Variants in ZBTB46 observed in about 807,000 individuals in gnomAD.
ZBTB46 encodes the protein zinc finger and BTB domain-containing protein 46.
In ZBTB46, 8 loss-of-function variants were observed where a neutral mutation model predicts 44.1. The observed-to-expected ratio is 0.18, with a 90% confidence interval of 0.11 to 0.33. The LOEUF (loss-of-function observed/expected upper bound fraction) is 0.33. Ranked by LOEUF, ZBTB46 falls within the 10% of genes least tolerant of loss-of-function variation. The pLI is 1.00. For synonymous variants in ZBTB46, 409 were observed against 382.3 expected, an observed-to-expected ratio of 1.07 and a Z score of -0.81; for missense variants, 651 against 847.7, an observed-to-expected ratio of 0.77 and a Z score of 2.88.
chr20:63,830,345 GA>G (rs891905968), intron 1 of ZBTB46, among the ~76,000 whole-genome samples: 1 of 151,992 alleles, frequency 6.6e-6, no homozygotes, highest in East Asian at 1.9e-4. Flanking sequence ...TATTTACAGA[GA>G]AACAAAGACG....
In ZBTB46 at chr20:63,774,698, G is replaced by GT. The variant is rs56678555; in HGVS notation, c.1222+979dup. On this transcript the variant is annotated intron_variant, in intron 3 of 4. Transcript: ENST00000245663. The stretch of plus-strand genomic sequence containing the variant: ...GGGCTGGCTGCGGTGGGTTTTTTTT[G>GT]TTTTTTTTTTTGTTTTTTTTTTTGA... Among the ~76,000 whole-genome samples the GT allele has an allele frequency of 1.3e-3, 91 of 71,750 alleles. 1 individual carries two copies. The East Asian group carries it at 0.048, about 38-fold the overall frequency. 47.1% of individuals were successfully genotyped at this position (71,750 alleles called of 152,430 possible).
At chr20:63,826,702 G>C (rs866239468) in intron 1 of ZBTB46, among the ~76,000 whole-genome samples, 1 of 152,224 alleles carries the variant, frequency 6.6e-6, no homozygotes, top group Admixed American at 6.5e-5. Context: ...TCCAGCCTGC[G>C]CGACAGAGCG....
intron 3 of ZBTB46, among the ~76,000 whole-genome samples, chr20:63,757,984 C>T (rs1263981318): frequency 6.7e-6 from 1 of 148,796 alleles, no homozygotes; most frequent in African/African-American, 2.5e-5. Flanking sequence ...CCTCCACCCG[C>T]CCATCCAAAG....
intron 3 of ZBTB46, among the ~76,000 whole-genome samples, chr20:63,766,745 T>A (rs1023212982): frequency 6.6e-6 from 1 of 152,106 alleles, no homozygotes; most frequent in Non-Finnish European, 1.5e-5. Flanking sequence ...GAAACTCATC[T>A]CAGGAACATA....
rs1436228245 is a variant in ZBTB46, at chr20:63,765,166, G to A, written c.1222+10512C>T. Among the ~76,000 whole-genome samples, 6 of 151,944 alleles carry A rather than the reference G, an allele frequency of 3.9e-5. No individual in the cohort carries two copies. In the East Asian group the frequency reaches 1.2e-3, roughly 29 times the overall value. On this transcript the variant is annotated intron_variant, in intron 3 of 4. Coordinates refer to ENST00000245663, the MANE Select transcript of ZBTB46 (RefSeq NM_001369741.1). ...TAGAGGCTTGGGGTGGGGGGCAGTTGTATGCAGAAGCTGGGGTCCTCCTCT... is the reference window on the plus strand; with the variant it reads ...TAGAGGCTTGGGGTGGGGGGCAGTTATATGCAGAAGCTGGGGTCCTCCTCT...
intron 3 of ZBTB46, among the ~76,000 whole-genome samples, chr20:63,769,812 G>A (rs746613228): frequency 4.6e-5 from 7 of 152,162 alleles, no homozygotes; most frequent in South Asian, 2.1e-4. Context: ...TAAAGTTCTC[G>A]ATTCATCCTT....
intron 3 of ZBTB46, among the ~76,000 whole-genome samples, chr20:63,753,537 G>A (rs1019183574): frequency 2.0e-5 from 3 of 152,210 alleles, no homozygotes; most frequent in Non-Finnish European, 2.9e-5. Context: ...GCCCAGTGCC[G>A]TTATGCTACT....
In ZBTB46 at chr20:63,767,154, G is replaced by A. The variant is rs2145825889; in HGVS notation, c.1222+8524C>T. Among the ~76,000 whole-genome samples, 1 of 152,340 alleles carries A rather than the reference G, an allele frequency of 6.6e-6. No individual in the cohort carries two copies. The highest frequency in any genetic ancestry group is 3.4e-3 in the Middle Eastern group (1 of 294). On this transcript the variant is annotated intron_variant, in intron 3 of 4. Coordinates refer to ENST00000245663, the MANE Select transcript of ZBTB46 (RefSeq NM_001369741.1). The surrounding 1 kb of genome is among the most constrained non-coding windows in gnomAD (Gnocchi z 5.0). ...CCGACACGTGGAGCGCCGCGCACAT[G>A]CCAGGCACACACCGCCAAGGACGCC...
chr20:63,800,597 G>A (rs2092636172), intron 1 of ZBTB46, among the ~76,000 whole-genome samples: 4 of 152,244 alleles, frequency 2.6e-5, no homozygotes. Context: ...GCTGCGTGCG[G>A]CGCTTGCGGG....
intron 3 of ZBTB46, among the ~76,000 whole-genome samples, chr20:63,770,358 G>A (rs6089983): frequency 0.15 from 22,071 of 152,122 alleles, 2,052 homozygotes; most frequent in East Asian, 0.44. Context: ...GTAACAGAGA[G>A]GAGGCCCGCC....
intron 2 of ZBTB46, among the ~76,000 whole-genome samples, chr20:63,779,769 A>G (rs1480858065): frequency 6.6e-6 from 1 of 151,908 alleles, no homozygotes; most frequent in African/African-American, 2.4e-5. Context: ...CACATTGGTC[A>G]GGCTGGTCTC....
rs761933725 is a variant in ZBTB46, at chr20:63,789,829, C to T, written c.929G>A (p.Arg310Gln). Reference protein sequence around the residue: ...LPTSGWPFSSRDSNADLSVTE... With the variant: ...LPTSGWPFSSQDSNADLSVTE... ...ACGAGTGAAAGGCTTACTTGAGTCT[C>T]GGCTGCTGAACGGCCACCCCGACGT... Residue 310 changes from arginine to glutamine, a missense_variant, in exon 2 of 5, where the codon CGA (arginine) becomes CAA (glutamine). By Grantham distance (43) the Arg-to-Gln change is conservative (BLOSUM62 1). This residue lies in a region of ZBTB46 where 385 missense variants were observed against 423.3 expected (regional missense o/e 0.91). Transcript: ENST00000245663. The T allele has an allele frequency of 9.3e-6, 15 of 1,608,456 alleles. No individual in the cohort carries two copies. The highest frequency in any genetic ancestry group is 1.3e-5 in the African/African-American group (1 of 74,930).
chr20:63,813,211 G>A (rs2092727654), intron 1 of ZBTB46, among the ~76,000 whole-genome samples: 1 of 152,176 alleles, frequency 6.6e-6, no homozygotes, highest in Admixed American at 6.6e-5. Context: ...CACTTTGGGA[G>A]GCTGAGGCGG....
rs1257013065 is a variant in ZBTB46 at position 63,748,074 on chromosome 20, GTCCCTGA to G, written c.1399-780_1399-774del. Among the ~76,000 whole-genome samples, 792 of 148,350 alleles carry G rather than the reference GTCCCTGA, an allele frequency of 5.3e-3. 6 individuals are homozygous for G. Among genetic ancestry groups the G allele is most frequent in the African/African-American group, 0.018 (746 of 41,422 alleles). On this transcript the variant is annotated intron_variant, in intron 4 of 4. Transcript: ENST00000245663. ...ACCCCCTCAGCCCCTGACCCCCTCA[GTCCCTGA>G]CCCCTCAGCCCGACCCTGACTCCAG...
intron 1 of ZBTB46, among the ~76,000 whole-genome samples, chr20:63,815,361 AGTGGGTACAG>A (rs1386622909): frequency 1.4e-5 from 2 of 144,696 alleles, no homozygotes; most frequent in South Asian, 4.5e-4. Flanking sequence ...GTGCAGGTGC[AGTGGGTACAG>A]GTGGGCACAG....
chr20:63,756,106 G>C (rs907473682), intron 3 of ZBTB46, among the ~76,000 whole-genome samples: 2 of 152,230 alleles, frequency 1.3e-5, no homozygotes, highest in African/African-American at 4.8e-5. Flanking sequence ...GAAGAGCAGA[G>C]GTCTCTGGCC....
rs550183507 is a variant in ZBTB46, at chr20:63,821,438, C to T, written c.-34+9659G>A. Reference sequence around the variant, plus strand: ...GAGCAGCTGGGACTACAAGCAGGCACGCTTTTTTTTTTTTTTCTGAGACGG... The same window carrying T: ...GAGCAGCTGGGACTACAAGCAGGCATGCTTTTTTTTTTTTTTCTGAGACGG... On this transcript the variant is annotated intron_variant, in intron 1 of 4. Transcript: ENST00000245663. Among the ~76,000 whole-genome samples, 269 of 132,888 alleles carry T rather than the reference C, an allele frequency of 2.0e-3. 3 individuals carry two copies. Among genetic ancestry groups the T allele is most frequent in the African/African-American group, 7.5e-3 (248 of 33,060 alleles). 87.2% of individuals were successfully genotyped at this position (132,888 alleles called of 152,430 possible).
chr20:63,795,601 G>A (rs1010270232), intron 1 of ZBTB46, among the ~76,000 whole-genome samples: 6 of 152,214 alleles, frequency 3.9e-5, no homozygotes, highest in African/African-American at 1.2e-4. Context: ...CAGCTGGGAG[G>A]GATTCAGCGG....
At chr20:63,762,488 C>T (rs551458078) in intron 3 of ZBTB46, among the ~76,000 whole-genome samples, 1 of 152,102 alleles carries the variant, frequency 6.6e-6, no homozygotes, top group Admixed American at 6.6e-5. Context: ...CCTGTCTCTA[C>T]TAAAAATACA....
Sources: gnomAD v4.1 joint callset for allele counts (sites outside exome capture counted in the v4.1 genomes callset) on GRCh38, gnomAD v4.1.1 for gene constraint, gnomAD v4.1.1 regional missense constraint, Gnocchi (gnomAD v3.1) non-coding constraint, MANE v1.5 for transcripts, NCBI Gene and HGNC (gene_info 2026-07-23, HGNC 2026-07-21) for gene names.